The following EYA2 variants were observed in gnomAD, a reference collection of about 807,000 sequenced individuals.
EYA2 encodes protein phosphatase EYA2.
A neutral mutation model predicts 69.2 loss-of-function variants in EYA2; 31 were observed. That is an observed-to-expected ratio of 0.45 (90% CI 0.34 to 0.60). The LOEUF is 0.60. Among genes scored for constraint, EYA2 ranks in the 20% least tolerant of loss-of-function variants. EYA2 has a pLI of 0.02. For synonymous variants in EYA2, 257 were observed against 279.4 expected (o/e 0.92, Z 0.80); for missense variants, 622 against 701.2 (o/e 0.89, Z 1.28).
intron 12 of EYA2, among the ~76,000 whole-genome samples, chr20:47,177,451 T>C (rs931984404): frequency 1.3e-5 from 2 of 152,230 alleles, no homozygotes; most frequent in Non-Finnish European, 2.9e-5. Flanking sequence ...GATCCTTTTG[T>C]ATTTATATTT....
chr20:47,156,031 T>C (rs553714875), intron 10 of EYA2, among the ~76,000 whole-genome samples: 196 of 119,310 alleles, frequency 1.6e-3, no homozygotes, highest in African/African-American at 6.3e-3. Context: ...TATATATATA[T>C]ACATACACAC....
intron 1 of EYA2, among the ~76,000 whole-genome samples, chr20:46,978,880 A>G (rs1247466787): frequency 6.6e-6 from 1 of 152,206 alleles, no homozygotes; most frequent in Non-Finnish European, 1.5e-5. Flanking sequence ...TGGTTTGAGC[A>G]ACTGCCCCCG....
intron 10 of EYA2, chr20:47,161,602 G>T: frequency 3.9e-6 from 1 of 256,132 alleles, no homozygotes; most frequent in Non-Finnish European, 7.7e-6. Context: ...CCCGGGCCCT[G>T]TCCGCGGCTA....
At chr20:47,039,729 G>A (rs1007538465) in intron 5 of EYA2, among the ~76,000 whole-genome samples, 4 of 151,580 alleles carry the variant, frequency 2.6e-5, no homozygotes, top group African/African-American at 7.3e-5. Flanking sequence ...CAGCCTGCCT[G>A]GGTTCAAATC....
At chr20:47,039,083 T>C (rs1600661339) in intron 5 of EYA2, among the ~76,000 whole-genome samples, 2 of 150,238 alleles carry the variant, frequency 1.3e-5, no homozygotes, top group East Asian at 3.9e-4. Flanking sequence ...TGGCTGGGCT[T>C]AGCAAAAAAC....
chr20:47,085,491 C>CAAA (rs1455047391), intron 7 of EYA2, among the ~76,000 whole-genome samples: 1 of 151,722 alleles, frequency 6.6e-6, no homozygotes, highest in East Asian at 1.9e-4. Flanking sequence ...ACTAAAAATA[C>CAAA]AAAAATTAGC....
At chr20:46,901,538 G>GA (rs1012110244) in intron 1 of EYA2, 1 of 152,222 alleles carries the variant, frequency 6.6e-6, no homozygotes, top group Non-Finnish European at 1.5e-5. Context: ...CAAGTAGGGA[G>GA]AAAACGTCCT....
chr20:47,050,117 C>T (rs1308477149), intron 5 of EYA2, among the ~76,000 whole-genome samples: 3 of 152,118 alleles, frequency 2.0e-5, no homozygotes, highest in Non-Finnish European at 4.4e-5. Flanking sequence ...TCGAGTGCCT[C>T]GTAAGATCAC....
chr20:46,990,036 G>C lies in EYA2; in HGVS notation c.26G>C (p.Ser9Thr). Residue 9 changes from serine to threonine, a missense_variant, in exon 2 of 16, where the codon AGC (serine) becomes ACC (threonine). This residue lies in a region of EYA2 where 365 missense variants were observed against 349.7 expected (regional missense o/e 1.04). Coordinates refer to ENST00000327619, the MANE Select transcript of EYA2 (RefSeq NM_005244.5). ...ATGGTAGAACTAGTGATCTCACCCAGCCTCACTGTAAACAGCGATTGTCTG... is the reference window on the plus strand; with the variant it reads ...ATGGTAGAACTAGTGATCTCACCCACCCTCACTGTAAACAGCGATTGTCTG... MVELVISP[S>T]LTVNSDCLDK... 2 of 1,608,180 alleles carry C rather than the reference G, an allele frequency of 1.2e-6. No individual in the cohort carries two copies. Among genetic ancestry groups the C allele is most frequent in the African/African-American group, 2.7e-5 (2 of 74,950 alleles).
intron 1 of EYA2, among the ~76,000 whole-genome samples, chr20:46,943,661 T>C (rs185620075): frequency 6.6e-6 from 1 of 152,254 alleles, no homozygotes; most frequent in African/African-American, 2.4e-5. Flanking sequence ...CCTGAAGGAT[T>C]TCAAGCACGA....
chr20:47,075,066 G>A (rs1034782485), intron 7 of EYA2, among the ~76,000 whole-genome samples: 6 of 152,224 alleles, frequency 3.9e-5, no homozygotes, highest in African/African-American at 1.2e-4. Flanking sequence ...AGCCGAGATC[G>A]CGCCATTGCG....
At chr20:47,105,829 C>T (rs908038781) in intron 9 of EYA2, among the ~76,000 whole-genome samples, 7 of 152,098 alleles carry the variant, frequency 4.6e-5, no homozygotes, top group Admixed American at 6.5e-5. Flanking sequence ...CAAGCTCAAT[C>T]ATATTTTAAT....
intron 4 of EYA2, among the ~76,000 whole-genome samples, chr20:47,006,918 G>GA (rs1383870269): frequency 4.6e-5 from 7 of 151,912 alleles, no homozygotes; most frequent in Middle Eastern, 3.4e-3. Context: ...CCTAGAGATA[G>GA]AAAAAAAAGT....
At chr20:46,914,755 C>T (rs1039579347) in intron 1 of EYA2, among the ~76,000 whole-genome samples, 2 of 152,114 alleles carry the variant, frequency 1.3e-5, no homozygotes, top group East Asian at 1.9e-4. Flanking sequence ...GCAGCCAAAC[C>T]GTATCAGGGA....
chr20:46,979,306 A>G (rs1467234928), intron 1 of EYA2, among the ~76,000 whole-genome samples: 1 of 152,128 alleles, frequency 6.6e-6, no homozygotes, highest in East Asian at 1.9e-4. Context: ...CCCCAGGGAC[A>G]GGGGTGGTGA....
At chr20:47,098,432 C>T (rs3787253) in intron 9 of EYA2, among the ~76,000 whole-genome samples, 31,873 of 152,242 alleles carry the variant, frequency 0.21, 3,888 homozygotes, top group Admixed American at 0.31. Flanking sequence ...CAGGCACTCA[C>T]TCATCTTGCC....
chr20:47,021,303 C>G (rs1295253864), intron 5 of EYA2, among the ~76,000 whole-genome samples: 1 of 152,068 alleles, frequency 6.6e-6, no homozygotes, highest in Non-Finnish European at 1.5e-5. Flanking sequence ...CACATAAACT[C>G]CCCTTCCAGT....
At chr20:47,187,741 C>T (rs904602044) in intron 15 of EYA2, among the ~76,000 whole-genome samples, 2 of 152,248 alleles carry the variant, frequency 1.3e-5, no homozygotes, top group African/African-American at 4.8e-5. Context: ...TCCCATTGTG[C>T]AATTTAACAC....
intron 1 of EYA2, among the ~76,000 whole-genome samples, chr20:46,938,756 A>G (rs774441730): frequency 2.4e-4 from 37 of 152,102 alleles, no homozygotes; most frequent in Non-Finnish European, 4.7e-4. Flanking sequence ...GCCATATTCT[A>G]TTGGTCACAC....
Sources: gnomAD v4.1 joint callset for allele counts (sites outside exome capture counted in the v4.1 genomes callset) on GRCh38, gnomAD v4.1.1 for gene constraint, gnomAD v4.1.1 regional missense constraint, MANE v1.5 for transcripts, NCBI Gene and HGNC (gene_info 2026-07-23, HGNC 2026-07-21) for gene names.